The following GABRG3 variants were observed in gnomAD, a reference collection of about 807,000 sequenced individuals.
GABRG3 encodes the protein gamma-aminobutyric acid type A receptor subunit gamma3.
Under a neutral mutation model 48.8 loss-of-function variants are expected in GABRG3, and 25 were observed. That is an observed-to-expected ratio of 0.51 (90% CI 0.37 to 0.72). GABRG3 has a LOEUF of 0.72. Among genes scored for constraint, GABRG3 ranks in the 30% least tolerant of loss-of-function variants. GABRG3 has a pLI of 0.00. For synonymous variants in GABRG3, 227 were observed against 217.6 expected, an observed-to-expected ratio of 1.04 and a Z score of -0.38; for missense variants, 394 against 577.9, an observed-to-expected ratio of 0.68 and a Z score of 3.26.
At chr15:27,177,033 A>G (rs552168666) in intron 3 of GABRG3, among the ~76,000 whole-genome samples, 25 of 152,146 alleles carry the variant, frequency 1.6e-4, no homozygotes, top group Non-Finnish European at 3.4e-4. Context: ...GACAAGAGAT[A>G]TTTTTATAAT....
intron 3 of GABRG3, among the ~76,000 whole-genome samples, chr15:27,174,119 A>G (rs987138616): frequency 1.3e-5 from 2 of 152,102 alleles, no homozygotes; most frequent in Admixed American, 6.5e-5. Flanking sequence ...TGGCAATGTT[A>G]TTTTACTACC....
At chr15:27,332,192 A>G (rs1893824116) in intron 5 of GABRG3, among the ~76,000 whole-genome samples, 1 of 152,170 alleles carries the variant, frequency 6.6e-6, no homozygotes, top group African/African-American at 2.4e-5. Context: ...ATTTTCAGGA[A>G]GAGGCCAATC....
intron 3 of GABRG3, among the ~76,000 whole-genome samples, chr15:27,050,856 T>A (rs892278096): frequency 6.6e-6 from 1 of 152,216 alleles, no homozygotes; most frequent in Admixed American, 6.5e-5. Context: ...TTATTACCAA[T>A]AGCTGTACAT....
intron 5 of GABRG3, among the ~76,000 whole-genome samples, chr15:27,384,016 A>G (rs961471404): frequency 2.0e-5 from 3 of 152,226 alleles, no homozygotes; most frequent in African/African-American, 7.2e-5. Context: ...TAAGGACTAC[A>G]TGACAGACTT....
rs113241118 is a variant in GABRG3, at chr15:27,171,523, T to TAC, written c.270+144704_270+144705dup. The stretch of plus-strand genomic sequence containing the variant: ...CATGTCTAACATATATATATATATA[T>TAC]ACATATACAGATGTATACACATGTA... On this transcript the variant is annotated intron_variant, in intron 3 of 9. Coordinates refer to ENST00000615808, the MANE Select transcript of GABRG3 (RefSeq NM_033223.5). Among the ~76,000 whole-genome samples, 531 of 147,074 alleles carry TAC rather than the reference T, an allele frequency of 3.6e-3. 6 individuals are homozygous for TAC. The highest frequency in any genetic ancestry group is 0.012 in the African/African-American group (480 of 39,728).
intron 3 of GABRG3, among the ~76,000 whole-genome samples, chr15:27,310,546 T>C (rs1236058032): frequency 6.6e-6 from 1 of 152,164 alleles, no homozygotes; most frequent in Non-Finnish European, 1.5e-5. Flanking sequence ...AAGACAATTA[T>C]CCATAAACTG....
At position 27,426,543 on chromosome 15, in the gene GABRG3, G is replaced by A. The variant is rs143374853; in HGVS notation, c.575-54107G>A. On this transcript the variant is annotated intron_variant, in intron 5 of 9. Transcript: ENST00000615808. ...GACAAAGCCTTTCTTGGCCAGGCGT[G>A]GTGTCTCATGCCAGTAATCCCAGCA... Among the ~76,000 whole-genome samples, 472 of 152,208 alleles carry A rather than the reference G, an allele frequency of 3.1e-3. 7 individuals carry two copies. In the East Asian group the frequency reaches 0.061, roughly 20 times the overall value.
intron 5 of GABRG3, among the ~76,000 whole-genome samples, chr15:27,332,670 A>G (rs1310834543): frequency 1.3e-5 from 2 of 152,242 alleles, no homozygotes; most frequent in African/African-American, 4.8e-5. Flanking sequence ...TTTTATAGTA[A>G]CAAAGCTGAA....
At chr15:27,148,548 A>C (rs569988608) in intron 3 of GABRG3, among the ~76,000 whole-genome samples, 2 of 152,192 alleles carry the variant, frequency 1.3e-5, no homozygotes, top group East Asian at 3.9e-4. Context: ...ACAGGAAATG[A>C]AAACTACAAA....
chr15:27,321,031 G>A (rs760475892), intron 3 of GABRG3, among the ~76,000 whole-genome samples: 12 of 152,054 alleles, frequency 7.9e-5, no homozygotes, highest in Admixed American at 3.3e-4. Flanking sequence ...TGCCCTCCTC[G>A]GAGCAGCCTT....
At chr15:27,517,218 A>G (rs955018409) in intron 6 of GABRG3, among the ~76,000 whole-genome samples, 2 of 150,156 alleles carry the variant, frequency 1.3e-5, no homozygotes, top group African/African-American at 4.9e-5. Context: ...TGCCAGTATC[A>G]TGCACACCTC....
chr15:27,259,108 G>T (rs1027436233), intron 3 of GABRG3, among the ~76,000 whole-genome samples: 1 of 152,186 alleles, frequency 6.6e-6, no homozygotes, highest in East Asian at 1.9e-4. Context: ...GGTATTCCAT[G>T]TATACACCAC....
intron 3 of GABRG3, among the ~76,000 whole-genome samples, chr15:27,035,542 C>A (rs1566915625): frequency 6.6e-6 from 1 of 152,118 alleles, no homozygotes; most frequent in Non-Finnish European, 1.5e-5. Context: ...TCTTTATGTT[C>A]CACAAAACTC....
chr15:27,305,419 G>C (rs1166727078), intron 3 of GABRG3, among the ~76,000 whole-genome samples: 1 of 149,916 alleles, frequency 6.7e-6, no homozygotes, highest in African/African-American at 2.4e-5. Context: ...GACCCAACGT[G>C]GTAAACATGT....
At chr15:27,142,723 C>CACT (rs1393714053) in intron 3 of GABRG3, among the ~76,000 whole-genome samples, 1 of 152,066 alleles carries the variant, frequency 6.6e-6, no homozygotes. Flanking sequence ...TTTATCACTT[C>CACT]ACTTTATCCC....
intron 3 of GABRG3, among the ~76,000 whole-genome samples, chr15:27,193,583 T>C (rs909147226): frequency 6.6e-6 from 1 of 152,202 alleles, no homozygotes; most frequent in Non-Finnish European, 1.5e-5. Context: ...AAGTGCAGTA[T>C]TCGGGTGGGA....
intron 3 of GABRG3, among the ~76,000 whole-genome samples, chr15:27,029,802 T>C (rs1334768209): frequency 4.6e-5 from 7 of 152,066 alleles, no homozygotes; most frequent in Admixed American, 3.3e-4. Context: ...TGAGGGAAGT[T>C]TCAAAGCCCT....
At chr15:26,996,455 G>A (rs890445413) in intron 2 of GABRG3, among the ~76,000 whole-genome samples, 4 of 151,806 alleles carry the variant, frequency 2.6e-5, no homozygotes, top group Non-Finnish European at 5.9e-5. Context: ...AGCCTCTCTT[G>A]TATGTCATAA....
intron 3 of GABRG3, among the ~76,000 whole-genome samples, chr15:27,318,583 G>A (rs1169564134): frequency 6.6e-6 from 1 of 152,188 alleles, no homozygotes; most frequent in African/African-American, 2.4e-5. Context: ...TGTGCCCAGG[G>A]AACATTGCAG....
Sources: gnomAD v4.1 joint callset for allele counts (sites outside exome capture counted in the v4.1 genomes callset) on GRCh38, gnomAD v4.1.1 for gene constraint, MANE v1.5 for transcripts, NCBI Gene and HGNC (gene_info 2026-07-23, HGNC 2026-07-21) for gene names.